The following AFF2 variants were observed in gnomAD, a reference collection of about 807,000 sequenced individuals.
The protein encoded by AFF2 is ALF transcription elongation factor 2, also known as AF4/FMR2 family member 2.
In AFF2, 14 loss-of-function variants were observed where a neutral mutation model predicts 76.9. The observed-to-expected ratio is 0.18, with a 90% CI of 0.12 to 0.28. The LOEUF is 0.28. AFF2 is among the 10% of genes least tolerant of loss of function. The pLI is 1.00. For missense variants in AFF2, 868 were observed against 1,001.1 expected (o/e 0.87, Z 1.79); for synonymous variants, 398 against 366.7 (o/e 1.09, Z -0.98).
chrX:148,759,774 G>T (rs782207807), intron 3 of AFF2, among the ~76,000 whole-genome samples: 1 of 112,139 alleles, frequency 8.9e-6, no homozygotes, highest in East Asian at 2.8e-4. Context: ...ATCATAAATA[G>T]ATTAAAATAG....
At chrX:148,522,395 A>G (rs1014768821) in intron 1 of AFF2, among the ~76,000 whole-genome samples, 1 of 112,487 alleles carries the variant, frequency 8.9e-6, no homozygotes, top group East Asian at 2.8e-4. Context: ...AACATTTTGT[A>G]TTAAGAGGTG....
At chrX:148,935,607 G>T (rs1358385002) in intron 9 of AFF2, among the ~76,000 whole-genome samples, 1 of 111,530 alleles carries the variant, frequency 9.0e-6, no homozygotes, top group Admixed American at 9.6e-5. Context: ...CCAACTTCGT[G>T]ATCCTTGGTT....
intron 1 of AFF2, among the ~76,000 whole-genome samples, chrX:148,640,209 A>G (rs1010189635): frequency 1.2e-4 from 14 of 112,535 alleles, no homozygotes; most frequent in African/African-American, 4.5e-4. Context: ...TAACACCACA[A>G]CAAGGTCTCC....
chrX:148,514,179 G>A (rs62610390), intron 1 of AFF2, among the ~76,000 whole-genome samples: 32,126 of 110,442 alleles, frequency 0.29, 3,519 homozygotes, highest in Non-Finnish European at 0.33. Flanking sequence ...GACAATAACC[G>A]GAAAACCACA....
At chrX:148,871,378 G>C (rs955783769) in intron 7 of AFF2, among the ~76,000 whole-genome samples, 1 of 111,292 alleles carries the variant, frequency 9.0e-6, no homozygotes, top group Non-Finnish European at 1.9e-5. Flanking sequence ...ACTCAGCAGA[G>C]GAGAAACTGC....
chrX:148,884,739 A>T (rs1205103657), intron 7 of AFF2, among the ~76,000 whole-genome samples: 1 of 112,405 alleles, frequency 8.9e-6, no homozygotes, highest in Non-Finnish European at 1.9e-5. Context: ...GGAGAGATTC[A>T]GTGGAAAGCT....
rs181114036 is a variant in AFF2, at chrX:148,889,667, C to G, written c.1359+3682C>G. 3.3e-3 allele frequency among the ~76,000 whole-genome samples: 367 copies of G among 111,612 alleles called. 1 individual carries two copies. The highest frequency in any genetic ancestry group is 0.011 in the African/African-American group (346 of 30,744). On this transcript the variant is annotated intron_variant, in intron 8 of 20. Transcript: ENST00000370460. ...ACTTTCTTGGTTGGGACTATTTGGG[C>G]AGCAGACATATGCATGCTGTTTTCT...
At chrX:148,719,099 T>C (rs1246493119) in intron 3 of AFF2, 43 of 1,106,922 alleles carry the variant, frequency 3.9e-5, no homozygotes, top group Non-Finnish European at 5.0e-5. Flanking sequence ...TGAGTTTTGG[T>C]TGTGGCAACC....
At chrX:148,897,221 CTATATATATATATATATA>C (rs1171086215) in intron 8 of AFF2, among the ~76,000 whole-genome samples, 4 of 23,442 alleles carry the variant, frequency 1.7e-4, no homozygotes, top group Non-Finnish European at 2.2e-4. Context: ...CCTTAGTCCA[CTATATATATATATATATA>C]TATATATATA....
chrX:148,508,367 C>CT (rs1259372989), intron 1 of AFF2, among the ~76,000 whole-genome samples: 1 of 111,869 alleles, frequency 8.9e-6, no homozygotes, highest in Admixed American at 9.5e-5. Context: ...GAAATGGTTT[C>CT]TTTTTTGTAT....
At position 148,717,049 on chromosome X, in the gene AFF2, G is replaced by A. The variant is rs111720626; in HGVS notation, c.1041+54281G>A. ...AAAGATATCATATAACTCAACAGTTGCACTTCTAGGTATACATTTAAGAGA... is the reference window on the plus strand; with the variant it reads ...AAAGATATCATATAACTCAACAGTTACACTTCTAGGTATACATTTAAGAGA... On this transcript the variant is annotated intron_variant, in intron 3 of 20. Transcript: ENST00000370460. Among the ~76,000 whole-genome samples the A allele has an allele frequency of 3.5e-3, 396 of 112,215 alleles. 2 individuals carry two copies. Among genetic ancestry groups the A allele is most frequent in the African/African-American group, 0.011 (351 of 30,921 alleles).
chrX:148,881,957 A>C (rs2071101921), intron 7 of AFF2, among the ~76,000 whole-genome samples: 1 of 111,444 alleles, frequency 9.0e-6, no homozygotes, highest in Non-Finnish European at 1.9e-5. Flanking sequence ...AAAATCCGTT[A>C]GGAATTCCTG....
At chrX:148,682,578 G>GTGGATGGATGGA (rs781792992) in intron 3 of AFF2, among the ~76,000 whole-genome samples, 2 of 106,316 alleles carry the variant, frequency 1.9e-5, no homozygotes, top group East Asian at 2.9e-4. Flanking sequence ...GGGTGGACAG[G>GTGGATGGATGGA]TGGATGGATG....
intron 4 of AFF2, among the ~76,000 whole-genome samples, chrX:148,826,270 T>C (rs2070387551): frequency 9.4e-6 from 1 of 106,550 alleles, no homozygotes; most frequent in Admixed American, 1.0e-4. Flanking sequence ...ACCCCTTCCT[T>C]ATGGTGAGTA....
intron 3 of AFF2, among the ~76,000 whole-genome samples, chrX:148,739,835 G>A (rs1163656475): frequency 9.0e-6 from 1 of 111,582 alleles, no homozygotes; most frequent in African/African-American, 3.3e-5. Context: ...TCTTGTAGTG[G>A]TGGCTTGGTA....
At position 148,948,385 on chromosome X, in the gene AFF2, T is replaced by A. The variant is rs1308549058; in HGVS notation, c.1398-5195T>A. On this transcript the variant is annotated intron_variant, in intron 9 of 20. Transcript: ENST00000370460. ...TTTCTCATAAAGTCCATAAACAGCC[T>A]CACTTAAAATCCCCAATACACTTTA... Among the ~76,000 whole-genome samples, 4 of 111,780 alleles carry A rather than the reference T, an allele frequency of 3.6e-5. No individual in the cohort carries two copies. In the South Asian group the frequency reaches 1.5e-3, roughly 42 times the overall value.
chrX:148,504,376 G>T (rs1161560231), intron 1 of AFF2, among the ~76,000 whole-genome samples: 1 of 112,041 alleles, frequency 8.9e-6, no homozygotes, highest in Non-Finnish European at 1.9e-5. Context: ...GAAAACCACC[G>T]TGATAGCAAA....
chrX:148,701,007 A>T (rs868955640), intron 3 of AFF2, among the ~76,000 whole-genome samples: 4 of 83,122 alleles, frequency 4.8e-5, no homozygotes, highest in Middle Eastern at 5.3e-3. Context: ...AGAGAGAGAG[A>T]GAGAATGTGT....
intron 18 of AFF2, 106 bp downstream of exon 18, chrX:148,978,561 C>T: frequency 1.8e-6 from 1 of 550,020 alleles, no homozygotes; most frequent in Non-Finnish European, 3.0e-6. Context: ...CTTAACCTCT[C>T]TCCTCCCTGC....
Sources: allele counts gnomAD v4.1 joint callset (sites outside exome capture counted in the v4.1 genomes callset), GRCh38; gene constraint gnomAD v4.1.1; transcripts MANE v1.5; gene names NCBI Gene and HGNC (gene_info 2026-07-23, HGNC 2026-07-21).